The following BMPER variants were observed in gnomAD, a reference collection of about 807,000 sequenced individuals.
The protein encoded by BMPER is BMP-binding endothelial regulator protein.
Under a neutral mutation model 87.3 loss-of-function variants are expected in BMPER, and 45 were observed. That is an observed-to-expected ratio of 0.52 (90% CI 0.41 to 0.66). The LOEUF is 0.66. Among genes scored for constraint, BMPER ranks in the 30% least tolerant of loss-of-function variants. The pLI, the probability that BMPER is intolerant of heterozygous loss-of-function variation, is 0.00. For missense variants in BMPER, 784 were observed against 867.5 expected, an observed-to-expected ratio of 0.90 and a Z score of 1.21; for synonymous variants, 326 against 316.2, an observed-to-expected ratio of 1.03 and a Z score of -0.33.
In BMPER at chr7:34,046,291, T is replaced by TC. The variant is rs770580215; in HGVS notation, c.577-14dup. On this transcript the variant is annotated splice_polypyrimidine_tract_variant and intron_variant, in intron 6 of 14. Coordinates refer to ENST00000649409, the MANE Select transcript of BMPER (RefSeq NM_001365308.1). ...TACTTTTCTAAATATGCTTTTTTTT[T>TC]CTCTCTTTTCTTAGGGAGGCAGGAC... 6.2e-6 allele frequency: 10 copies of TC among 1,609,570 alleles called. No individual in the cohort carries two copies. In the South Asian group the frequency reaches 7.7e-5, roughly 12 times the overall value.
chr7:34,028,598 T>G (rs144269732), intron 6 of BMPER, among the ~76,000 whole-genome samples: 1,829 of 136,430 alleles, frequency 0.013, 66 homozygotes, highest in African/African-American at 0.047. Flanking sequence ...AATCATTTTT[T>G]CTGTTTTTTT....
chr7:34,012,833 AAAT>A (rs1786918103), intron 6 of BMPER, among the ~76,000 whole-genome samples: 1 of 152,006 alleles, frequency 6.6e-6, no homozygotes, highest in Non-Finnish European at 1.5e-5. Flanking sequence ...TAATTGGGTT[AAAT>A]AATTAAACAG....
intron 6 of BMPER, among the ~76,000 whole-genome samples, chr7:34,013,673 C>G (rs181070118): frequency 6.6e-6 from 1 of 151,916 alleles, no homozygotes. Flanking sequence ...GACTCCATCA[C>G]AGTTGGTCTC....
intron 3 of BMPER, among the ~76,000 whole-genome samples, chr7:33,960,148 T>A (rs773400783): frequency 5.3e-5 from 8 of 152,204 alleles, no homozygotes; most frequent in Non-Finnish European, 1.0e-4. Flanking sequence ...ATTTAAGAAC[T>A]CAGTTCATGG....
At chr7:34,120,411 T>TA (rs1241812462) in intron 13 of BMPER, among the ~76,000 whole-genome samples, 2 of 151,986 alleles carry the variant, frequency 1.3e-5, no homozygotes, top group African/African-American at 4.8e-5. Flanking sequence ...TTTGTTGTTT[T>TA]TTTTGAGATG....
intron 5 of BMPER, among the ~76,000 whole-genome samples, chr7:33,971,399 A>C (rs1785542628): frequency 6.6e-6 from 1 of 152,154 alleles, no homozygotes; most frequent in East Asian, 1.9e-4. Context: ...AACCCTCCTC[A>C]GCAACCTGGG....
intron 6 of BMPER, among the ~76,000 whole-genome samples, chr7:33,977,376 C>A (rs574816776): frequency 8.3e-4 from 127 of 152,200 alleles, no homozygotes; most frequent in African/African-American, 2.9e-3. Context: ...AATGCATGGC[C>A]TGGAGGCATG....
chr7:34,049,078 G>T (rs17823423), intron 7 of BMPER, among the ~76,000 whole-genome samples: 24,667 of 152,134 alleles, frequency 0.16, 2,425 homozygotes, highest in East Asian at 0.25. Flanking sequence ...CTTGGGCAGG[G>T]TTCATTCACA....
intron 6 of BMPER, among the ~76,000 whole-genome samples, chr7:33,996,908 T>TA (rs1233612854): frequency 6.6e-6 from 1 of 152,236 alleles, no homozygotes; most frequent in Non-Finnish European, 1.5e-5. Context: ...ATTTCTCACT[T>TA]ACAGCATTCT....
At chr7:33,984,130 C>A (rs973353541) in intron 6 of BMPER, among the ~76,000 whole-genome samples, 2 of 152,110 alleles carry the variant, frequency 1.3e-5, no homozygotes, top group African/African-American at 4.8e-5. Flanking sequence ...AGTTTCCGGG[C>A]AGAGCCACCC....
intron 2 of BMPER, among the ~76,000 whole-genome samples, chr7:33,911,169 G>A (rs183010920): frequency 3.6e-4 from 55 of 152,278 alleles, no homozygotes; most frequent in African/African-American, 1.1e-3. Context: ...TTTTTACTCT[G>A]TTTAGAAGGT....
chr7:34,022,776 G>A (rs1417680883), intron 6 of BMPER, among the ~76,000 whole-genome samples: 1 of 151,146 alleles, frequency 6.6e-6, no homozygotes, highest in Admixed American at 6.6e-5. Context: ...ATATGCTCAA[G>A]CAACGCCTTC....
chr7:34,005,229 C>T (rs1786692658), intron 6 of BMPER, among the ~76,000 whole-genome samples: 1 of 151,934 alleles, frequency 6.6e-6, no homozygotes, highest in African/African-American at 2.4e-5. Flanking sequence ...TCTCTAGTGG[C>T]TTCTAGGTTG....
intron 11 of BMPER, among the ~76,000 whole-genome samples, chr7:34,069,855 G>A (rs1189236307): frequency 2.0e-5 from 3 of 152,144 alleles, no homozygotes; most frequent in African/African-American, 7.2e-5. Flanking sequence ...CTCATTAGCT[G>A]TGCTTTGCAT....
At chr7:33,989,936 C>T (rs1166100893) in intron 6 of BMPER, among the ~76,000 whole-genome samples, 1 of 152,026 alleles carries the variant, frequency 6.6e-6, no homozygotes, top group Non-Finnish European at 1.5e-5. Flanking sequence ...AGATATGCGG[C>T]GTTATTTCTG....
chr7:34,041,541 C>G (rs1034624631), intron 6 of BMPER, among the ~76,000 whole-genome samples: 13 of 152,186 alleles, frequency 8.5e-5, no homozygotes, highest in Non-Finnish European at 1.5e-4. Flanking sequence ...AGATACAGTT[C>G]TAGGCCAAAG....
At chr7:34,063,377 A>G (rs529361756) in intron 11 of BMPER, among the ~76,000 whole-genome samples, 27 of 120,598 alleles carry the variant, frequency 2.2e-4, no homozygotes, top group Non-Finnish European at 4.3e-4. Flanking sequence ...CAGGGTCACT[A>G]TATGTGTGTG....
At chr7:34,144,266 G>C (rs1357937371) in intron 14 of BMPER, among the ~76,000 whole-genome samples, 1 of 151,882 alleles carries the variant, frequency 6.6e-6, no homozygotes, top group Admixed American at 6.6e-5. Flanking sequence ...AGTGTGGTTT[G>C]AGCCTGAGGT....
chr7:34,011,867 A>T (rs187551130), intron 6 of BMPER, among the ~76,000 whole-genome samples: 1,597 of 151,950 alleles, frequency 0.011, 22 homozygotes, highest in Non-Finnish European at 0.014. Context: ...AGGCTTTCAG[A>T]TTTGAGTCAG....
Sources: gnomAD v4.1 joint callset for allele counts (sites outside exome capture counted in the v4.1 genomes callset) on GRCh38, gnomAD v4.1.1 for gene constraint, MANE v1.5 for transcripts, NCBI Gene and HGNC (gene_info 2026-07-23, HGNC 2026-07-21) for gene names.